The following SGK3 variants were observed in gnomAD, a reference collection of about 807,000 sequenced individuals.
SGK3 encodes serine/threonine-protein kinase Sgk3.
SGK3 carries 47 observed loss-of-function variants against 68.5 expected under a neutral mutation model. The ratio of observed to expected loss-of-function variants is 0.69; its 90% CI spans 0.54 to 0.87. SGK3 has a LOEUF of 0.87. Ranked by LOEUF, SGK3 falls within the 40% of genes least tolerant of loss-of-function variation. The probability of loss-of-function intolerance (pLI) is 0.00; values close to 1 mark genes in which losing one functional copy is unlikely to be tolerated. For missense variants in SGK3, 479 were observed against 575.5 expected, an observed-to-expected ratio of 0.83 and a Z score of 1.72; for synonymous variants, 181 against 189.1, an observed-to-expected ratio of 0.96 and a Z score of 0.35.
At chr8:66,718,753 C>T (rs998661879) in intron 1 of SGK3, among the ~76,000 whole-genome samples, 12 of 151,996 alleles carry the variant, frequency 7.9e-5, no homozygotes, top group African/African-American at 1.2e-4. Flanking sequence ...GTCTCAAACT[C>T]CCGACCTCAG....
chr8:66,836,540 C>T (rs1299083167), intron 10 of SGK3, among the ~76,000 whole-genome samples: 1 of 151,444 alleles, frequency 6.6e-6, no homozygotes, highest in African/African-American at 2.4e-5. Context: ...ACTCAGGAGG[C>T]TGAGGCAGAA....
At chr8:66,835,397 T>G (rs575351606) in intron 8 of SGK3, among the ~76,000 whole-genome samples, 1 of 152,154 alleles carries the variant, frequency 6.6e-6, no homozygotes, top group African/African-American at 2.4e-5. Context: ...TAAAAAACAT[T>G]TCCTTATCCT....
intron 1 of SGK3, among the ~76,000 whole-genome samples, chr8:66,729,962 A>G (rs1425836018): frequency 1.3e-5 from 2 of 152,030 alleles, no homozygotes; most frequent in Non-Finnish European, 2.9e-5. Flanking sequence ...GCCAGTCTTC[A>G]AACTCTCGAC....
intron 8 of SGK3, among the ~76,000 whole-genome samples, 197 bp downstream of exon 8, chr8:66,831,508 T>A (rs1809301035): frequency 1.3e-5 from 2 of 152,072 alleles, no homozygotes. Flanking sequence ...CCTGGCTAAT[T>A]TTTTCACTCT....
intron 1 of SGK3, among the ~76,000 whole-genome samples, chr8:66,767,093 C>A (rs1806342654): frequency 6.6e-6 from 1 of 152,236 alleles, no homozygotes; most frequent in African/African-American, 2.4e-5. Context: ...GATCCGCCTG[C>A]CTCAGCCTCC....
chr8:66,856,422 G>A (rs774464304), intron 16 of SGK3, among the ~76,000 whole-genome samples: 25 of 152,174 alleles, frequency 1.6e-4, no homozygotes, highest in Non-Finnish European at 3.1e-4. Flanking sequence ...TATCTGAAAT[G>A]TTTGGGACCA....
intron 10 of SGK3, among the ~76,000 whole-genome samples, chr8:66,839,545 A>ATATG (rs1809704076): frequency 1.3e-5 from 1 of 75,506 alleles, no homozygotes; most frequent in African/African-American, 6.0e-5. Flanking sequence ...ATATATATAT[A>ATATG]TATATATATA....
intron 1 of SGK3, among the ~76,000 whole-genome samples, chr8:66,761,750 C>T (rs1806169792): frequency 6.6e-6 from 1 of 151,788 alleles, no homozygotes; most frequent in Non-Finnish European, 1.5e-5. Context: ...GCCTGGGTAA[C>T]AGAGTGAGAC....
intron 2 of SGK3, among the ~76,000 whole-genome samples, chr8:66,797,527 T>TG (rs1434248996): frequency 3.9e-5 from 6 of 152,078 alleles, no homozygotes; most frequent in Non-Finnish European, 8.8e-5. Context: ...TCATGTATAG[T>TG]GGGGGGTTGT....
intron 3 of SGK3, among the ~76,000 whole-genome samples, chr8:66,800,813 CA>C (rs940483339): frequency 4.0e-5 from 6 of 151,730 alleles, no homozygotes; most frequent in Admixed American, 2.0e-4. Context: ...TCCATCTCTA[CA>C]AAAAAAATAA....
intron 1 of SGK3, among the ~76,000 whole-genome samples, chr8:66,785,961 A>G (rs868675323): frequency 2.0e-5 from 3 of 152,188 alleles, no homozygotes; most frequent in Non-Finnish European, 4.4e-5. Flanking sequence ...GAAAAGCTCT[A>G]CATATATATG....
chr8:66,776,496 G>T (rs1381736732), intron 1 of SGK3, among the ~76,000 whole-genome samples: 1 of 152,184 alleles, frequency 6.6e-6, no homozygotes, highest in Non-Finnish European at 1.5e-5. Context: ...ATAGCTTGCT[G>T]CAGGGAATCT....
intron 10 of SGK3, among the ~76,000 whole-genome samples, chr8:66,836,811 C>CT (rs1350085462): frequency 2.9e-5 from 4 of 136,592 alleles, no homozygotes; most frequent in African/African-American, 1.1e-4. Context: ...GCGTCTCACT[C>CT]TGTCACCCAG....
intron 10 of SGK3, among the ~76,000 whole-genome samples, chr8:66,837,293 C>A (rs1238280158): frequency 6.6e-6 from 1 of 152,128 alleles, no homozygotes; most frequent in Non-Finnish European, 1.5e-5. Flanking sequence ...ATTGTCATAT[C>A]TTTACAAAGG....
intron 4 of SGK3, among the ~76,000 whole-genome samples, chr8:66,812,192 T>C (rs1297025714): frequency 2.0e-5 from 3 of 152,224 alleles, no homozygotes; most frequent in African/African-American, 7.2e-5. Flanking sequence ...ATATTTTTTA[T>C]GGGTTTTTAT....
At chr8:66,723,116 TATATATATA>T (rs1563595211) in intron 1 of SGK3, among the ~76,000 whole-genome samples, 16 of 52,322 alleles carry the variant, frequency 3.1e-4, no homozygotes, top group African/African-American at 1.1e-3. Context: ...TATATATATA[TATATATATA>T]TATATATTTT....
chr8:66,767,338 G>A, intron 1 of SGK3: 3 of 997,986 alleles, frequency 3.0e-6, no homozygotes, highest in East Asian at 2.4e-5. Flanking sequence ...CTTTTTTTCT[G>A]TTAAACAAAT....
At chr8:66,721,290 GTGGGC>G (rs1266468154) in intron 1 of SGK3, among the ~76,000 whole-genome samples, 1 of 152,230 alleles carries the variant, frequency 6.6e-6, no homozygotes, top group Non-Finnish European at 1.5e-5. Context: ...TATAGCAGGT[GTGGGC>G]TCCTGCACCC....
chr8:66,749,384 C>T (rs1280146490), intron 1 of SGK3, among the ~76,000 whole-genome samples: 4 of 151,672 alleles, frequency 2.6e-5, no homozygotes, highest in African/African-American at 7.2e-5. Flanking sequence ...GAGTGAGACC[C>T]TGTCTCAAAA....
Sources: gnomAD v4.1 joint callset for allele counts (sites outside exome capture counted in the v4.1 genomes callset) on GRCh38, gnomAD v4.1.1 for gene constraint, MANE v1.5 for transcripts, NCBI Gene and HGNC (gene_info 2026-07-23, HGNC 2026-07-21) for gene names.